Variants in UBXN2B observed in about 807,000 individuals in gnomAD.
UBXN2B encodes the protein UBX domain-containing protein 2B.
In UBXN2B, 19 loss-of-function variants were observed where a neutral mutation model predicts 37.5. That is an observed-to-expected ratio of 0.51 (90% CI 0.35 to 0.74). The LOEUF (loss-of-function observed/expected upper bound fraction) is 0.74. Ranked by LOEUF, UBXN2B falls within the 30% of genes least tolerant of loss-of-function variation. The pLI is 0.01. For missense variants in UBXN2B, 370 were observed against 393.2 expected, an observed-to-expected ratio of 0.94 and a Z score of 0.50; for synonymous variants, 145 against 143.8, an observed-to-expected ratio of 1.01 and a Z score of -0.06.
intron 2 of UBXN2B, among the ~76,000 whole-genome samples, chr8:58,424,345 C>T (rs1375741097): frequency 6.6e-6 from 1 of 151,914 alleles, no homozygotes; most frequent in Non-Finnish European, 1.5e-5. Flanking sequence ...ATAATGTCTA[C>T]ATAGTAGAGA....
intron 2 of UBXN2B, chr8:58,425,437 G>T (rs1808056617): frequency 4.4e-6 from 5 of 1,135,086 alleles, no homozygotes; most frequent in Non-Finnish European, 6.7e-6. Context: ...TTCAAATTTG[G>T]GCATGATGAT....
At chr8:58,443,484 A>G (rs1808598530) in intron 6 of UBXN2B, among the ~76,000 whole-genome samples, 2 of 151,972 alleles carry the variant, frequency 1.3e-5, no homozygotes, top group Non-Finnish European at 2.9e-5. Context: ...TGATTTTGAC[A>G]GCTAAATATT....
At chr8:58,446,779 ATTTTTTTTTTTTTTTTTTTTTT>A (rs869090698) in intron 7 of UBXN2B, among the ~76,000 whole-genome samples, 3 of 17,386 alleles carry the variant, frequency 1.7e-4, no homozygotes, top group African/African-American at 6.7e-4. Context: ...TACAACCTGC[ATTTTTTTTTTTTTTTTTTTTTT>A]TTTTTTTTTT....
intron 2 of UBXN2B, chr8:58,425,394 A>T (rs1389965390): frequency 1.8e-6 from 2 of 1,132,696 alleles, no homozygotes; most frequent in East Asian, 2.3e-5. Flanking sequence ...TGGCAATGTA[A>T]CTCTTCTTGG....
At position 58,432,625 on chromosome 8, in the gene UBXN2B, G is replaced by A. The variant is rs565892271; in HGVS notation, c.340-535G>A. Among the ~76,000 whole-genome samples, 8 of 151,968 alleles carry A rather than the reference G, an allele frequency of 5.3e-5. 1 individual carries two copies. Among genetic ancestry groups the A allele is most frequent in the South Asian group, 4.1e-4 (2 of 4,824 alleles). ...TCTCGATCTCCTGACCTCGTGATCC[G>A]CCTGCCTCGGCCTCCCAAAGTGCTG... On this transcript the variant is annotated intron_variant, in intron 3 of 7. Transcript: ENST00000399598.
At chr8:58,432,349 A>G (rs1198002382) in intron 3 of UBXN2B, among the ~76,000 whole-genome samples, 1 of 139,686 alleles carries the variant, frequency 7.2e-6, no homozygotes, top group Non-Finnish European at 1.6e-5. Context: ...TTCTCCATTG[A>G]ATTGCTTTTG....
intron 2 of UBXN2B, among the ~76,000 whole-genome samples, chr8:58,417,170 A>T (rs191810873): frequency 5.7e-4 from 87 of 152,338 alleles, no homozygotes; most frequent in African/African-American, 2.1e-3. Context: ...AAAGAAACTT[A>T]CGGAAAAATT....
intron 6 of UBXN2B, among the ~76,000 whole-genome samples, chr8:58,444,870 A>G (rs1808633802): frequency 6.6e-6 from 1 of 152,222 alleles, no homozygotes; most frequent in African/African-American, 2.4e-5. Context: ...TAATTTTATC[A>G]CTTTACTGTG....
intron 5 of UBXN2B, among the ~76,000 whole-genome samples, chr8:58,437,514 T>C (rs945494864): frequency 6.6e-6 from 1 of 151,716 alleles, no homozygotes; most frequent in African/African-American, 2.4e-5. Flanking sequence ...TTAGTAGAGA[T>C]GGGTTTCACC....
Position 58,426,573 on chromosome 8 carries a change from G to A in UBXN2B, c.189-3946G>A, listed in dbSNP as rs1460855645. On this transcript the variant is annotated intron_variant, in intron 2 of 7. Coordinates refer to ENST00000399598, the MANE Select transcript of UBXN2B (RefSeq NM_001077619.2). Reference sequence around the variant, plus strand: ...TCTAACAAAAAGTGTGAAGTCTCCAGGGTTACTTTTACTAGGCCTTGCCAA... The same window carrying A: ...TCTAACAAAAAGTGTGAAGTCTCCAAGGTTACTTTTACTAGGCCTTGCCAA... 2.9e-5 allele frequency: 22 copies of A among 753,350 alleles called. No homozygotes were observed. In the Admixed American group the frequency reaches 3.3e-4, roughly 11 times the overall value. 46.7% of individuals were successfully genotyped at this position (753,350 alleles called of 1,614,324 possible). A position where few individuals can be genotyped will look rare whatever the true frequency, so the allele number is the denominator to read the frequency against.
At chr8:58,426,864 C>T (rs895315572) in intron 2 of UBXN2B, among the ~76,000 whole-genome samples, 1 of 152,214 alleles carries the variant, frequency 6.6e-6, no homozygotes, top group Non-Finnish European at 1.5e-5. Flanking sequence ...CAGCCGCCCC[C>T]TAGGCTGGCT....
intron 4 of UBXN2B, among the ~76,000 whole-genome samples, chr8:58,434,171 G>A (rs1808353919): frequency 6.6e-6 from 1 of 152,058 alleles, no homozygotes. Flanking sequence ...GCCATTGTCA[G>A]TTTGTTAAGC....
At chr8:58,424,530 T>C in intron 2 of UBXN2B, 1 of 798,232 alleles carries the variant, frequency 1.3e-6, no homozygotes, top group Non-Finnish European at 2.1e-6. Flanking sequence ...AGTTTGATCT[T>C]TTTAGGGAGA....
intron 1 of UBXN2B, among the ~76,000 whole-genome samples, chr8:58,415,776 A>G (rs1046327402): frequency 6.6e-6 from 1 of 152,082 alleles, no homozygotes; most frequent in Non-Finnish European, 1.5e-5. Context: ...AGATTACCAA[A>G]CACTTTTATA....
chr8:58,446,779 A>ATCTTTTTTTTT, intron 7 of UBXN2B, among the ~76,000 whole-genome samples: 1 of 17,386 alleles, frequency 5.8e-5, no homozygotes. Context: ...TACAACCTGC[A>ATCTTTTTTTTT]TTTTTTTTTT....
intron 1 of UBXN2B, among the ~76,000 whole-genome samples, chr8:58,412,082 A>G (rs1807653361): frequency 6.6e-6 from 1 of 152,254 alleles, no homozygotes; most frequent in Admixed American, 6.5e-5. Flanking sequence ...TTAGCTAAAT[A>G]GTAGCGCACC....
intron 1 of UBXN2B, among the ~76,000 whole-genome samples, chr8:58,415,774 A>G (rs1807762105): frequency 6.6e-6 from 1 of 152,090 alleles, no homozygotes; most frequent in African/African-American, 2.4e-5. Context: ...TTAGATTACC[A>G]AACACTTTTA....
intron 2 of UBXN2B, chr8:58,425,344 C>A (rs554215545): frequency 8.7e-7 from 1 of 1,149,858 alleles, no homozygotes; most frequent in African/African-American, 1.5e-5. Context: ...GAATACCATC[C>A]GCCAAAAGTC....
At chr8:58,437,737 A>G (rs527440362) in intron 5 of UBXN2B, among the ~76,000 whole-genome samples, 10 of 152,326 alleles carry the variant, frequency 6.6e-5, no homozygotes, top group Admixed American at 2.0e-4. Context: ...ACTCATATTT[A>G]AAAGAGAAGC....
Sources: allele counts gnomAD v4.1 joint callset (sites outside exome capture counted in the v4.1 genomes callset), GRCh38; gene constraint gnomAD v4.1.1; transcripts MANE v1.5; gene names NCBI Gene and HGNC (gene_info 2026-07-23, HGNC 2026-07-21).